PRDM10: variants seen among roughly 807,000 people sequenced by gnomAD.
PRDM10 encodes the protein PR domain zinc finger protein 10.
A neutral mutation model predicts 133.1 loss-of-function variants in PRDM10; 65 were observed. That is an observed-to-expected ratio of 0.49 (90% CI 0.40 to 0.60). The LOEUF (loss-of-function observed/expected upper bound fraction) is 0.60, where lower values mean the gene tolerates loss of function less well. Ranked by LOEUF, PRDM10 falls within the 20% of genes least tolerant of loss-of-function variation. The pLI is 0.00. For synonymous variants in PRDM10, 582 were observed against 580.4 expected (o/e 1.00, Z -0.04); for missense variants, 1,137 against 1,507.1 (o/e 0.75, Z 4.07).
intron 2 of PRDM10, among the ~76,000 whole-genome samples, chr11:129,958,251 G>GA (rs1565495655): frequency 1.3e-5 from 2 of 152,110 alleles, no homozygotes; most frequent in Admixed American, 6.6e-5. Flanking sequence ...TCTGTGGTGT[G>GA]AAAAAATACG....
intron 17 of PRDM10, among the ~76,000 whole-genome samples, chr11:129,912,490 G>A (rs1176098762): frequency 2.0e-5 from 3 of 152,082 alleles, no homozygotes; most frequent in African/African-American, 2.4e-5. Context: ...CGTGGCTCAC[G>A]CCTGTAATCC....
intron 15 of PRDM10, among the ~76,000 whole-genome samples, chr11:129,916,774 C>T (rs900488541): frequency 1.1e-4 from 16 of 152,072 alleles, no homozygotes; most frequent in Non-Finnish European, 2.4e-4. Flanking sequence ...TTATAGAAAC[C>T]CCAAAACTAC....
chr11:129,970,417 G>C (rs551171291), intron 1 of PRDM10, among the ~76,000 whole-genome samples: 3 of 150,344 alleles, frequency 2.0e-5, no homozygotes, highest in Non-Finnish European at 3.0e-5. Context: ...GCACGAGGCC[G>C]CCTAGCCCAC....
chr11:129,931,479 T>C (rs12801174), intron 10 of PRDM10, among the ~76,000 whole-genome samples: 9,735 of 152,228 alleles, frequency 0.064, 658 homozygotes, highest in East Asian at 0.37. Context: ...TTCTGGAATA[T>C]CAATAATTTT....
intron 11 of PRDM10, among the ~76,000 whole-genome samples, chr11:129,926,690 T>G (rs754875083): frequency 6.6e-6 from 1 of 152,174 alleles, no homozygotes; most frequent in Non-Finnish European, 1.5e-5. Flanking sequence ...TCACTTATCT[T>G]GAGTAGATAA....
At position 129,937,690 on chromosome 11, in the gene PRDM10, C is replaced by T; in HGVS notation, c.967-20G>A. The T allele has an allele frequency of 6.2e-7, 1 of 1,605,600 alleles. No individual in the cohort carries two copies. Among genetic ancestry groups the T allele is most frequent in the Non-Finnish European group, 8.5e-7 (1 of 1,175,228 alleles). On this transcript the variant is annotated intron_variant, in intron 7 of 20. Coordinates refer to ENST00000360871, the MANE Select transcript of PRDM10 (RefSeq NM_199437.2). ...CCACACCTGCAAGAAGCAAGTATAT[C>T]ATCAAGAACTGGGGACATCACCAGA...
intron 19 of PRDM10, among the ~76,000 whole-genome samples, chr11:129,906,419 G>T (rs1950018412): frequency 6.6e-6 from 1 of 152,144 alleles, no homozygotes. Flanking sequence ...CATGGGTAAG[G>T]ATCACACCTG....
At chr11:129,937,492 C>T in intron 8 of PRDM10, 106 bp downstream of exon 8, 2 of 949,646 alleles carry the variant, frequency 2.1e-6, no homozygotes, top group Non-Finnish European at 3.0e-6. Context: ...ACTGGAATAA[C>T]TTCTGAAATA....
intron 20 of PRDM10, among the ~76,000 whole-genome samples, chr11:129,904,315 A>G (rs577940976): frequency 1.2e-4 from 18 of 152,100 alleles, no homozygotes; most frequent in Admixed American, 5.9e-4. Context: ...TTCTAGCTTT[A>G]TTAAGATATA....
At position 129,918,981 on chromosome 11, in the gene PRDM10, A is replaced by T. The variant is rs530995862; in HGVS notation, c.2035-263T>A. Among the ~76,000 whole-genome samples the T allele has an allele frequency of 5.3e-4, 81 of 152,318 alleles. No homozygotes were observed. Among genetic ancestry groups the T allele is most frequent in the Non-Finnish European group, 1.1e-3 (72 of 68,034 alleles). On this transcript the variant is annotated intron_variant, in intron 13 of 20. Coordinates refer to ENST00000360871, the MANE Select transcript of PRDM10 (RefSeq NM_199437.2). The surrounding 1 kb of genome is among the most constrained non-coding windows in gnomAD (Gnocchi z 5.3). ...TACATACCGACTTTTGAGAATAAAG[A>T]CTGTGCATTTATGTAGAGGAGATTA... is the stretch of plus-strand genomic sequence containing the variant.
intron 1 of PRDM10, among the ~76,000 whole-genome samples, chr11:129,969,846 A>C (rs114235824): frequency 0.019 from 2,890 of 152,220 alleles, 96 homozygotes; most frequent in African/African-American, 0.065. Flanking sequence ...TAAATTGTGC[A>C]TAACACAAAA....
Position 129,915,667 on chromosome 11 carries a change from C to G in PRDM10, c.2519G>C (p.Ser840Thr), listed in dbSNP as rs766874424. 1 of 1,598,090 alleles carries G rather than the reference C, an allele frequency of 6.3e-7. No homozygotes were observed. Among genetic ancestry groups the G allele is most frequent in the Non-Finnish European group, 8.5e-7 (1 of 1,171,050 alleles). ...VCCPHCSKQY[S>T]SKTKMVQHIR... The stretch of plus-strand genomic sequence containing the variant: ...GTCAGAAACTCCCCCTACCTTGCTG[C>G]TGTACTGCTTGGAGCAGTGGGGACA... The change falls in exon 16 of 21, where the codon AGC becomes ACC. Residue 840 changes from serine to threonine, a missense_variant. Ser to Thr is a moderately conservative substitution (Grantham distance 58, BLOSUM62 1). This residue lies in a region of PRDM10 where 113 missense variants were observed against 143.7 expected (regional missense o/e 0.79). Coordinates refer to ENST00000360871, the MANE Select transcript of PRDM10 (RefSeq NM_199437.2).
rs966888953 is a variant in PRDM10 at position 129,901,508 on chromosome 11, T to C, written c.*805A>G. 6.6e-6 allele frequency: 1 copy of C among 152,236 alleles called. No homozygotes were observed. Among genetic ancestry groups the C allele is most frequent in the East Asian group, 1.9e-4 (1 of 5,200 alleles). The allele number at this position is 152,236 out of a possible 1,614,324, so 9.4% of individuals were successfully genotyped here. ...ATTTTTCTTGGTACCAATATCTCCT[T>C]CTTACCACCACCACAACCACAGAAT... is the stretch of plus-strand genomic sequence containing the variant. On this transcript the variant is annotated 3_prime_UTR_variant, in exon 21 of 21. Transcript: ENST00000360871.
chr11:129,970,395 A>C (rs927454948), intron 1 of PRDM10, among the ~76,000 whole-genome samples: 4 of 152,180 alleles, frequency 2.6e-5, no homozygotes, highest in African/African-American at 9.7e-5. Context: ...GAGGAGCTAC[A>C]ATGTAACCTG....
chr11:129,958,709 A>G (rs1276598219), intron 2 of PRDM10, among the ~76,000 whole-genome samples: 2 of 152,230 alleles, frequency 1.3e-5, no homozygotes, highest in African/African-American at 4.8e-5. Flanking sequence ...CACAAAGGAC[A>G]TACTGGAGGC....
rs773552927 is a variant in PRDM10 at position 129,925,220 on chromosome 11, G to A, written c.1540C>T (p.Leu514Phe). 1 of 1,607,194 alleles carries A rather than the reference G, an allele frequency of 6.2e-7. No homozygotes were observed. The highest frequency in any genetic ancestry group is 8.5e-7 in the Non-Finnish European group (1 of 1,177,182). The change falls in exon 12 of 21, where the codon CTT (leucine) becomes TTT (phenylalanine). Residue 514 changes from leucine to phenylalanine, a missense_variant. By Grantham distance (22) the Leu-to-Phe change is conservative. Transcript: ENST00000360871. ...GACTTCCGAATAAACAGATGCTGAAGAGCTGCATTCTGAAAGACATACACA... is the reference window on the plus strand; with the variant it reads ...GACTTCCGAATAAACAGATGCTGAAAAGCTGCATTCTGAAAGACATACACA... ...RRAKRIRNAA[L>F]QHLFIRKSFR...
chr11:129,921,630 T>A (rs1950525332), intron 13 of PRDM10, among the ~76,000 whole-genome samples: 1 of 152,162 alleles, frequency 6.6e-6, no homozygotes, highest in Non-Finnish European at 1.5e-5. Context: ...GCCAGGAAGG[T>A]AGGTGGTAGT....
chr11:129,962,550 G>C (rs1481903416), intron 1 of PRDM10, among the ~76,000 whole-genome samples: 1 of 152,194 alleles, frequency 6.6e-6, no homozygotes, highest in East Asian at 1.9e-4. Flanking sequence ...TCCACCAACA[G>C]GTGAATGTAA....
chr11:129,946,280 A>G (rs538196066), intron 5 of PRDM10, among the ~76,000 whole-genome samples: 178 of 152,146 alleles, frequency 1.2e-3, no homozygotes, highest in South Asian at 3.3e-3. Flanking sequence ...AAAAACAAAC[A>G]AAAAGAAAAG....
Sources: allele counts gnomAD v4.1 joint callset (sites outside exome capture counted in the v4.1 genomes callset), GRCh38; gene constraint gnomAD v4.1.1; regional missense constraint gnomAD v4.1.1; non-coding constraint Gnocchi (gnomAD v3.1); transcripts MANE v1.5; gene names NCBI Gene and HGNC (gene_info 2026-07-23, HGNC 2026-07-21).